Variants in RBFOX1 observed in about 807,000 individuals in gnomAD.
RBFOX1 encodes the protein RNA binding protein fox-1 homolog 1.
A neutral mutation model predicts 57.7 loss-of-function variants in RBFOX1; 8 were observed. The ratio of observed to expected loss-of-function variants is 0.14; its 90% CI spans 0.08 to 0.25. RBFOX1 has a LOEUF of 0.25. RBFOX1 is among the 10% of genes least tolerant of loss of function. The pLI, the probability that RBFOX1 is intolerant of heterozygous loss-of-function variation, is 1.00. For missense variants in RBFOX1, 611 were observed against 548.5 expected (o/e 1.11, Z -1.14); for synonymous variants, 326 against 222.4 (o/e 1.47, Z -4.15).
chr16:5,252,932 C>T (rs1233859710), intron 1 of RBFOX1, among the ~76,000 whole-genome samples: 3 of 152,182 alleles, frequency 2.0e-5, no homozygotes, highest in African/African-American at 7.2e-5. Flanking sequence ...ACAAATAAAG[C>T]ACTGCATTTC....
chr16:6,769,592 G>A (rs556426366), intron 3 of RBFOX1, among the ~76,000 whole-genome samples: 2 of 152,238 alleles, frequency 1.3e-5, no homozygotes, highest in South Asian at 2.1e-4. Flanking sequence ...GCTTCATTGC[G>A]CATAAGCAAG....
chr16:5,954,426 C>G (rs906332672), intron 4 of RBFOX1, among the ~76,000 whole-genome samples: 1 of 152,024 alleles, frequency 6.6e-6, no homozygotes, highest in South Asian at 2.1e-4. Context: ...AGCATTAAAC[C>G]CAGCAGAAAA....
At chr16:5,688,592 A>G (rs1364513111) in intron 3 of RBFOX1, among the ~76,000 whole-genome samples, 2 of 151,848 alleles carry the variant, frequency 1.3e-5, no homozygotes, top group African/African-American at 4.9e-5. Context: ...TCCCAACATG[A>G]ACTGGATGGG....
intron 4 of RBFOX1, among the ~76,000 whole-genome samples, chr16:7,228,632 T>G (rs549671537): frequency 5.9e-5 from 9 of 152,296 alleles, no homozygotes; most frequent in African/African-American, 2.2e-4. Flanking sequence ...GCTAGAAGGA[T>G]TCTCAGAATC....
At chr16:5,978,279 A>G (rs149725850) in intron 4 of RBFOX1, among the ~76,000 whole-genome samples, 3,337 of 151,828 alleles carry the variant, frequency 0.022, 110 homozygotes, top group African/African-American at 0.075. Context: ...ACACCACTGC[A>G]CTCCAGCCTG....
intron 1 of RBFOX1, among the ~76,000 whole-genome samples, chr16:6,198,096 C>T (rs1416412808): frequency 6.6e-6 from 1 of 152,220 alleles, no homozygotes; most frequent in South Asian, 2.1e-4. Context: ...TACATATTCA[C>T]CTGGTCCTGT....
intron 3 of RBFOX1, among the ~76,000 whole-genome samples, chr16:5,864,900 C>A (rs778979456): frequency 6.6e-6 from 1 of 152,188 alleles, no homozygotes; most frequent in Non-Finnish European, 1.5e-5. Flanking sequence ...ATATTCAAAC[C>A]CTGTACTTTA....
At chr16:6,988,605 C>T (rs1181441507) in intron 3 of RBFOX1, among the ~76,000 whole-genome samples, 1 of 151,562 alleles carries the variant, frequency 6.6e-6, no homozygotes, top group African/African-American at 2.4e-5. Context: ...CCGAGTCTTG[C>T]TCTGTCCCCT....
chr16:5,872,403 C>T (rs538985551), intron 4 of RBFOX1, among the ~76,000 whole-genome samples: 10 of 152,132 alleles, frequency 6.6e-5, no homozygotes, highest in Non-Finnish European at 1.3e-4. Context: ...AAATAAAGTA[C>T]AAGGTTTGTT....
chr16:6,282,546 C>A (rs889277530), intron 1 of RBFOX1, among the ~76,000 whole-genome samples: 1 of 151,888 alleles, frequency 6.6e-6, no homozygotes, highest in Non-Finnish European at 1.5e-5. Context: ...TTGCCCACCA[C>A]CCCCGACAGG....
intron 1 of RBFOX1, among the ~76,000 whole-genome samples, chr16:5,413,866 G>C (rs1328370144): frequency 6.6e-6 from 1 of 152,106 alleles, no homozygotes; most frequent in African/African-American, 2.4e-5. Context: ...GCAAACACAA[G>C]GTGAGTGTTG....
intron 3 of RBFOX1, among the ~76,000 whole-genome samples, chr16:5,835,004 C>A (rs1354595343): frequency 6.6e-6 from 1 of 152,176 alleles, no homozygotes; most frequent in East Asian, 1.9e-4. Flanking sequence ...CACCTTACCC[C>A]ACTCACCATG....
chr16:6,768,968 C>T (rs1212536477), intron 3 of RBFOX1, among the ~76,000 whole-genome samples: 1 of 152,102 alleles, frequency 6.6e-6, no homozygotes, highest in South Asian at 2.1e-4. Flanking sequence ...ACCTCGTGAT[C>T]TGCCTGCCTC....
intron 3 of RBFOX1, among the ~76,000 whole-genome samples, chr16:5,687,362 C>G (rs2050536485): frequency 6.6e-6 from 1 of 152,032 alleles, no homozygotes; most frequent in Non-Finnish European, 1.5e-5. Flanking sequence ...TCCCTCCCCA[C>G]CAATTAGTGG....
chr16:5,843,453 A>G (rs560785681), intron 3 of RBFOX1, among the ~76,000 whole-genome samples: 72 of 152,206 alleles, frequency 4.7e-4, no homozygotes, highest in Non-Finnish European at 9.6e-4. Flanking sequence ...ATGTTCCAAC[A>G]AAGGACATGA....
At chr16:6,955,677 TTAGGTATGTATG>T (rs145085998) in intron 3 of RBFOX1, among the ~76,000 whole-genome samples, 21 of 105,332 alleles carry the variant, frequency 2.0e-4, no homozygotes, top group African/African-American at 6.4e-4. Context: ...CTTTATTTAT[TTAGGTATGTATG>T]TATTTATTTA....
At chr16:6,835,652 G>T (rs1179993035) in intron 3 of RBFOX1, among the ~76,000 whole-genome samples, 1 of 151,030 alleles carries the variant, frequency 6.6e-6, no homozygotes, top group African/African-American at 2.4e-5. Flanking sequence ...ACTGGGAGAG[G>T]CTGAGGCATG....
chr16:7,116,009 C>T (rs1461335450), intron 4 of RBFOX1, among the ~76,000 whole-genome samples: 2 of 152,124 alleles, frequency 1.3e-5, no homozygotes, highest in Non-Finnish European at 2.9e-5. Flanking sequence ...AACCATTGTG[C>T]CAGGCACTGT....
chr16:5,607,196 C>T (rs1326176514), intron 3 of RBFOX1, among the ~76,000 whole-genome samples: 1 of 152,166 alleles, frequency 6.6e-6, no homozygotes, highest in African/African-American at 2.4e-5. Context: ...ACAGCGTCTG[C>T]TCGGCAGAAA....
Sources: allele counts gnomAD v4.1 joint callset (sites outside exome capture counted in the v4.1 genomes callset), GRCh38; gene constraint gnomAD v4.1.1; transcripts MANE v1.5; gene names NCBI Gene and HGNC (gene_info 2026-07-23, HGNC 2026-07-21).